Variants in FOXP1 observed in about 807,000 individuals in gnomAD.
The protein encoded by FOXP1 is forkhead box protein P1.
A neutral mutation model predicts 98.2 loss-of-function variants in FOXP1; 15 were observed. The observed-to-expected ratio is 0.15, with a 90% CI of 0.10 to 0.24. The LOEUF (loss-of-function observed/expected upper bound fraction) is 0.24. FOXP1 is among the 10% of genes least tolerant of loss of function. The pLI, the probability that FOXP1 is intolerant of heterozygous loss-of-function variation, is 1.00. For missense variants in FOXP1, 633 were observed against 848.5 expected (o/e 0.75, Z 3.15); for synonymous variants, 371 against 314.5 (o/e 1.18, Z -1.90).
intron 3 of FOXP1, among the ~76,000 whole-genome samples, chr3:71,459,977 A>G (rs2087881928): frequency 6.7e-6 from 1 of 149,198 alleles, no homozygotes; most frequent in Non-Finnish European, 1.5e-5. Flanking sequence ...TCTGTCACCC[A>G]GGCTGGAGTG....
chr3:71,033,607 A>C (rs1383251625), intron 11 of FOXP1, among the ~76,000 whole-genome samples: 59 of 106,822 alleles, frequency 5.5e-4, no homozygotes, highest in African/African-American at 4.3e-3. Flanking sequence ...ACAGTCAAAA[A>C]AAAAAAAAAA....
At chr3:71,153,009 C>T (rs2060647147) in intron 6 of FOXP1, among the ~76,000 whole-genome samples, 1 of 152,176 alleles carries the variant, frequency 6.6e-6, no homozygotes, top group Non-Finnish European at 1.5e-5. Context: ...CCCAAGTCAC[C>T]AGCTTCCAGA....
At chr3:71,097,828 C>T (rs998024541) in intron 7 of FOXP1, among the ~76,000 whole-genome samples, 1 of 152,144 alleles carries the variant, frequency 6.6e-6, no homozygotes, top group Non-Finnish European at 1.5e-5. Flanking sequence ...TAGAGTGCCA[C>T]CTTTGACTAT....
At chr3:71,543,635 T>G (rs1362912829) in intron 2 of FOXP1, 2 of 152,272 alleles carry the variant, frequency 1.3e-5, no homozygotes, top group African/African-American at 4.8e-5. Context: ...CAGCTAGCCG[T>G]GGAGGCACAT....
intron 8 of FOXP1, 102 bp downstream of exon 8, chr3:71,053,534 T>C (rs1355440405): frequency 9.0e-6 from 13 of 1,445,986 alleles, no homozygotes; most frequent in Non-Finnish European, 1.3e-5. Flanking sequence ...TACTCTTCAC[T>C]GAGCAAAGGA....
Position 71,213,994 on chromosome 3 carries a change from G to A in FOXP1, c.-11-15602C>T, listed in dbSNP as rs187944766. 1.2e-3 allele frequency among the ~76,000 whole-genome samples: 181 copies of A among 152,232 alleles called. 3 individuals carry two copies. The highest frequency in any genetic ancestry group is 6.8e-3 in the Middle Eastern group (2 of 294). ...GGCTGGGAAGTACAAAGAATCAGTCGGCCTAAAAGTCAAGAATGCAGATAT... is the reference window on the plus strand; with the variant it reads ...GGCTGGGAAGTACAAAGAATCAGTCAGCCTAAAAGTCAAGAATGCAGATAT... On this transcript the variant is annotated intron_variant, in intron 5 of 20. Coordinates refer to ENST00000649528, the MANE Select transcript of FOXP1 (RefSeq NM_001349338.3).
chr3:71,207,378 G>C (rs1222675888), intron 5 of FOXP1, among the ~76,000 whole-genome samples: 3 of 151,806 alleles, frequency 2.0e-5, no homozygotes, highest in African/African-American at 7.3e-5. Context: ...GCCCCTCACC[G>C]CTCTAGTGGC....
intron 4 of FOXP1, among the ~76,000 whole-genome samples, chr3:71,329,512 C>T (rs1298136330): frequency 2.0e-5 from 3 of 151,708 alleles, no homozygotes; most frequent in Admixed American, 6.6e-5. Context: ...AGCCACCGCG[C>T]CCGGCCACAA....
At chr3:71,121,804 T>C (rs1006409978) in intron 6 of FOXP1, among the ~76,000 whole-genome samples, 2 of 152,210 alleles carry the variant, frequency 1.3e-5, no homozygotes, top group Non-Finnish European at 2.9e-5. Flanking sequence ...TCAAACTCTT[T>C]TTTGCCTCTG....
At chr3:71,511,256 G>GA (rs1357460330) in intron 2 of FOXP1, among the ~76,000 whole-genome samples, 2 of 152,126 alleles carry the variant, frequency 1.3e-5, no homozygotes, top group Non-Finnish European at 2.9e-5. Context: ...GCCAGACTGT[G>GA]AAAATAAGCT....
rs754798807 is a variant in FOXP1, at chr3:70,977,852, T to C, written c.1324A>G (p.Lys442Glu). 6.2e-7 allele frequency: 1 copy of C among 1,614,216 alleles called. No individual in the cohort carries two copies. ...CCTGACGAAATGGGCACGTTGTATT[T>C]GTCTGAGTACCGCCTGCGGATGGGT... ...VGPIRRRYSDKYNVPISSADI... is the reference protein window; with the variant it reads ...VGPIRRRYSDEYNVPISSADI... Residue 442 changes from lysine (K) to glutamate (E), a missense_variant, in exon 15 of 21, where the codon AAA (lysine) becomes GAA (glutamate). By Grantham distance (56) the Lys-to-Glu change is moderately conservative. Coordinates refer to ENST00000649528, the MANE Select transcript of FOXP1 (RefSeq NM_001349338.3).
At chr3:71,211,554 A>G (rs2064467489) in intron 5 of FOXP1, among the ~76,000 whole-genome samples, 1 of 152,148 alleles carries the variant, frequency 6.6e-6, no homozygotes, top group Non-Finnish European at 1.5e-5. Context: ...TTTATTCCCC[A>G]TGAATCCCAA....
At chr3:70,996,181 T>A (rs1402884469) in intron 13 of FOXP1, among the ~76,000 whole-genome samples, 2 of 152,120 alleles carry the variant, frequency 1.3e-5, no homozygotes, top group Admixed American at 1.3e-4. Context: ...TGGGGTAATC[T>A]CCATGTTGGT....
intron 2 of FOXP1, among the ~76,000 whole-genome samples, chr3:71,561,674 C>T (rs749678582): frequency 6.6e-6 from 1 of 152,106 alleles, no homozygotes; most frequent in Non-Finnish European, 1.5e-5. Context: ...ATTTTGAATG[C>T]CGTGGTGGTT....
At chr3:71,425,035 C>T (rs1219793299) in intron 3 of FOXP1, among the ~76,000 whole-genome samples, 1 of 152,078 alleles carries the variant, frequency 6.6e-6, no homozygotes, top group Non-Finnish European at 1.5e-5. Flanking sequence ...TATTCATATA[C>T]TGGAAATCTA....
chr3:71,204,678 A>C (rs1266807983), intron 5 of FOXP1, among the ~76,000 whole-genome samples: 1 of 152,202 alleles, frequency 6.6e-6, no homozygotes, highest in Non-Finnish European at 1.5e-5. Context: ...TGGTTAAGGA[A>C]GCAGACAGAA....
At chr3:71,196,106 C>T (rs570684474) in intron 6 of FOXP1, among the ~76,000 whole-genome samples, 1 of 152,304 alleles carries the variant, frequency 6.6e-6, no homozygotes, top group African/African-American at 2.4e-5. Flanking sequence ...ATAGACCCCA[C>T]TGCTTTGTTT....
At chr3:71,582,015 G>A (rs2048214369) in intron 1 of FOXP1, 1 of 977,690 alleles carries the variant, frequency 1.0e-6, no homozygotes, top group South Asian at 4.7e-5. Context: ...ACGGGCGCAA[G>A]GTTTGGAGTT....
chr3:71,296,274 A>G (rs1209376971), intron 5 of FOXP1: 1 of 152,198 alleles, frequency 6.6e-6, no homozygotes, highest in African/African-American at 2.4e-5. Flanking sequence ...TGGCATCTGA[A>G]GTCTACATGC....
Sources: gnomAD v4.1 joint callset for allele counts (sites outside exome capture counted in the v4.1 genomes callset) on GRCh38, gnomAD v4.1.1 for gene constraint, MANE v1.5 for transcripts, NCBI Gene and HGNC (gene_info 2026-07-23, HGNC 2026-07-21) for gene names.